Variants in HPSE2 observed in about 807,000 individuals in gnomAD.
HPSE2 encodes inactive heparanase-2.
A neutral mutation model predicts 60.5 loss-of-function variants in HPSE2; 38 were observed. The observed-to-expected ratio is 0.63, with a 90% CI of 0.48 to 0.82. The LOEUF (loss-of-function observed/expected upper bound fraction) is 0.82. Ranked by LOEUF, HPSE2 falls within the 40% of genes least tolerant of loss-of-function variation. The pLI is 0.00. For missense variants in HPSE2, 713 were observed against 740.4 expected (o/e 0.96, Z 0.43); for synonymous variants, 295 against 293.2 (o/e 1.01, Z -0.06).
At chr10:98,979,179 C>G (rs2496710) in intron 3 of HPSE2, among the ~76,000 whole-genome samples, 141,043 of 152,114 alleles carry the variant, frequency 0.93, 65,693 homozygotes, top group East Asian at 0.99. Context: ...CTTCAGGCAC[C>G]AGCTAGAGGT....
At chr10:98,668,550 A>T (rs1419833249) in intron 6 of HPSE2, among the ~76,000 whole-genome samples, 1 of 152,224 alleles carries the variant, frequency 6.6e-6, no homozygotes. Flanking sequence ...TATGGGTACA[A>T]AAACAGACTT....
intron 9 of HPSE2, among the ~76,000 whole-genome samples, chr10:98,547,720 G>T (rs1328755885): frequency 1.3e-5 from 2 of 151,044 alleles, no homozygotes; most frequent in Non-Finnish European, 2.9e-5. Flanking sequence ...ACGAGTTAAT[G>T]GGTGCAGCAC....
intron 3 of HPSE2, among the ~76,000 whole-genome samples, chr10:99,050,596 C>T (rs150208963): frequency 1.3e-4 from 20 of 152,116 alleles, no homozygotes; most frequent in African/African-American, 3.6e-4. Flanking sequence ...TGGAATCAAC[C>T]TAAGTGTCTA....
At chr10:99,181,397 C>CAAAAAAAG (rs1847768641) in intron 2 of HPSE2, among the ~76,000 whole-genome samples, 1 of 104,780 alleles carries the variant, frequency 9.5e-6, no homozygotes. Flanking sequence ...GACTCCGTCT[C>CAAAAAAAG]AAAAAAAAAA....
At chr10:99,155,032 C>A (rs1846474198) in intron 2 of HPSE2, among the ~76,000 whole-genome samples, 1 of 149,828 alleles carries the variant, frequency 6.7e-6, no homozygotes, top group Non-Finnish European at 1.5e-5. Flanking sequence ...GTAAAGGGAT[C>A]AATTCAACAA....
intron 3 of HPSE2, among the ~76,000 whole-genome samples, chr10:98,919,100 A>C (rs181700242): frequency 6.6e-6 from 1 of 152,290 alleles, no homozygotes; most frequent in East Asian, 1.9e-4. Flanking sequence ...TAGTAATATA[A>C]AAGATAAAGT....
chr10:98,937,262 G>A lies in HPSE2; in HGVS notation c.611-193206C>T, dbSNP rs566400499. ...GGACAGTGGGTGCAGCGCACCGTGC[G>A]CAAGCTGAAGCAGGGCAAGGCATTG... On this transcript the variant is annotated intron_variant, in intron 3 of 11. Coordinates refer to ENST00000370552, the MANE Select transcript of HPSE2 (RefSeq NM_021828.5). 8.3e-5 allele frequency among the ~76,000 whole-genome samples: 12 copies of A among 144,232 alleles called. 2 individuals carry two copies. The South Asian group carries it at 8.4e-4, about 10-fold the overall frequency. The allele number at this position is 144,232 out of a possible 152,430, so 94.6% of individuals were successfully genotyped here. A position where few individuals can be genotyped will look rare whatever the true frequency, so the allele number is the denominator to read the frequency against.
At chr10:99,313,140 G>C in the HPSE2 span, among the ~76,000 whole-genome samples, 2 of 152,134 alleles carry the variant, frequency 1.3e-5, no homozygotes, top group African/African-American at 2.4e-5. Flanking sequence ...GGTAAACCTC[G>C]TTTCTTTATA....
chr10:99,053,125 T>C (rs1365822506), intron 3 of HPSE2, among the ~76,000 whole-genome samples: 1 of 151,930 alleles, frequency 6.6e-6, no homozygotes, highest in African/African-American at 2.4e-5. Context: ...TATAATTTAT[T>C]TTTACCACAA....
chr10:98,693,291 T>C (rs749766090), intron 6 of HPSE2, among the ~76,000 whole-genome samples: 3 of 152,226 alleles, frequency 2.0e-5, no homozygotes, highest in East Asian at 3.8e-4. Flanking sequence ...AGGGAACTTA[T>C]AGAATATTTA....
chr10:99,127,950 AC>A (rs1445906482), intron 3 of HPSE2, among the ~76,000 whole-genome samples: 5 of 152,226 alleles, frequency 3.3e-5, no homozygotes, highest in Non-Finnish European at 5.9e-5. Context: ...GAGAGAATTC[AC>A]CACTACCAAG....
chr10:98,545,126 G>C (rs1943622039), intron 9 of HPSE2, among the ~76,000 whole-genome samples: 1 of 152,114 alleles, frequency 6.6e-6, no homozygotes, highest in Non-Finnish European at 1.5e-5. Context: ...TCTCTGAATA[G>C]ACCAATAACA....
At chr10:99,239,085 G>C (rs1020490684), upstream of HPSE2, among the ~76,000 whole-genome samples, 4 of 152,088 alleles carry the variant, frequency 2.6e-5, no homozygotes, top group African/African-American at 9.7e-5. Flanking sequence ...CTTGAACCTG[G>C]GAGGAGGAGG....
the HPSE2 span, among the ~76,000 whole-genome samples, chr10:99,266,126 G>A: frequency 1.2e-4 from 18 of 152,192 alleles, no homozygotes; most frequent in Non-Finnish European, 2.2e-4. Flanking sequence ...GAAGTTTCCC[G>A]GACAGAACTT....
At position 98,934,296 on chromosome 10, in the gene HPSE2, T is replaced by A. The variant is rs971107290; in HGVS notation, c.611-190240A>T. Among the ~76,000 whole-genome samples the A allele has an allele frequency of 2.1e-5, 3 of 144,346 alleles. No homozygotes were observed. The East Asian group carries it at 5.9e-4, about 28-fold the overall frequency. The allele number at this position is 144,346 out of a possible 152,430, so 94.7% of individuals were successfully genotyped here. A position where few individuals can be genotyped will look rare whatever the true frequency, so the allele number is the denominator to read the frequency against. ...TACATTTAAGGTTAATATTGTTATG[T>A]GTGAATTTGATCCCATCATCATGAT... On this transcript the variant is annotated intron_variant, in intron 3 of 11. Coordinates refer to ENST00000370552, the MANE Select transcript of HPSE2 (RefSeq NM_021828.5).
intron 3 of HPSE2, among the ~76,000 whole-genome samples, chr10:98,984,482 C>A (rs886237640): frequency 9.9e-5 from 15 of 152,124 alleles, no homozygotes; most frequent in South Asian, 2.1e-4. Context: ...CACACCAAAA[C>A]CCCATCTGTA....
rs115790625 is a variant in HPSE2, at chr10:98,824,394, G to A, written c.611-80338C>T. Among the ~76,000 whole-genome samples the A allele has an allele frequency of 7.7e-3, 1,171 of 152,232 alleles. 12 individuals carry two copies. The highest frequency in any genetic ancestry group is 0.024 in the African/African-American group (998 of 41,542). On this transcript the variant is annotated intron_variant, in intron 3 of 11. Transcript: ENST00000370552. Reference sequence around the variant, plus strand: ...TAATACTGTGTGCACTTTTCTGCATGTATGTTTTAATTCACTAAAATGTTA... The same window carrying A: ...TAATACTGTGTGCACTTTTCTGCATATATGTTTTAATTCACTAAAATGTTA...
At chr10:98,743,026 G>A (rs1949540463) in intron 4 of HPSE2, among the ~76,000 whole-genome samples, 1 of 132,802 alleles carries the variant, frequency 7.5e-6, no homozygotes, top group Non-Finnish European at 1.5e-5. Context: ...AGGCTGGAGT[G>A]TAGTGGCATG....
At chr10:98,736,878 G>C (rs942862369) in intron 4 of HPSE2, among the ~76,000 whole-genome samples, 1 of 152,108 alleles carries the variant, frequency 6.6e-6, no homozygotes, top group Non-Finnish European at 1.5e-5. Context: ...TTTCACACTT[G>C]GCATATTTTG....
Sources: gnomAD v4.1 joint callset for allele counts (sites outside exome capture counted in the v4.1 genomes callset) on GRCh38, gnomAD v4.1.1 for gene constraint, MANE v1.5 for transcripts, NCBI Gene and HGNC (gene_info 2026-07-23, HGNC 2026-07-21) for gene names.